FAT3: variants seen among roughly 807,000 people sequenced by gnomAD.
The protein encoded by FAT3 is protocadherin Fat 3.
A neutral mutation model predicts 310.2 loss-of-function variants in FAT3; 95 were observed. The observed-to-expected ratio is 0.31, with a 90% CI of 0.26 to 0.36. FAT3 has a LOEUF of 0.36. FAT3 is among the 10% of genes least tolerant of loss of function. The probability of loss-of-function intolerance (pLI) is 1.00; values close to 1 mark genes in which losing one functional copy is unlikely to be tolerated. For missense variants in FAT3, 5,408 were observed against 5,715.6 expected, an observed-to-expected ratio of 0.95 and a Z score of 1.74; for synonymous variants, 2,314 against 2,192.9, an observed-to-expected ratio of 1.06 and a Z score of -1.54.
At chr11:92,832,853 C>A (rs1255030084) in intron 14 of FAT3, among the ~76,000 whole-genome samples, 1 of 152,124 alleles carries the variant, frequency 6.6e-6, no homozygotes, top group Non-Finnish European at 1.5e-5. Context: ...TGATATGCAG[C>A]CTTCTCAACC....
intron 3 of FAT3, among the ~76,000 whole-genome samples, chr11:92,633,554 G>T (rs1019869403): frequency 2.0e-5 from 3 of 152,080 alleles, no homozygotes; most frequent in Non-Finnish European, 4.4e-5. Flanking sequence ...CAAATTCAGA[G>T]GACTGACACG....
intron 19 of FAT3, among the ~76,000 whole-genome samples, chr11:92,852,576 A>C (rs1948860423): frequency 6.6e-6 from 1 of 152,202 alleles, no homozygotes. Flanking sequence ...CTATCCCCTT[A>C]ATCCTAAAGA....
chr11:92,514,440 A>G (rs1330612975), intron 2 of FAT3, among the ~76,000 whole-genome samples: 1 of 152,218 alleles, frequency 6.6e-6, no homozygotes, highest in African/African-American at 2.4e-5. Context: ...AAATTTGAGC[A>G]TCTCAACATA....
chr11:92,537,643 G>C (rs962551063), intron 3 of FAT3, among the ~76,000 whole-genome samples: 3 of 152,096 alleles, frequency 2.0e-5, no homozygotes, highest in African/African-American at 7.2e-5. Flanking sequence ...TGTGCATGAA[G>C]CAACTGACAG....
intron 6 of FAT3, among the ~76,000 whole-genome samples, chr11:92,773,115 T>G (rs948995690): frequency 6.6e-6 from 1 of 152,136 alleles, no homozygotes; most frequent in East Asian, 1.9e-4. Context: ...TTAAAATTGT[T>G]CCCACATACA....
intron 3 of FAT3, among the ~76,000 whole-genome samples, chr11:92,529,919 T>A (rs1173274724): frequency 6.6e-6 from 1 of 152,200 alleles, no homozygotes; most frequent in African/African-American, 2.4e-5. Context: ...AAACATAGTT[T>A]ATGTGTTGGT....
At chr11:92,585,828 GT>G (rs35482303) in intron 3 of FAT3, among the ~76,000 whole-genome samples, 37,756 of 150,080 alleles carry the variant, frequency 0.25, 5,969 homozygotes, top group African/African-American at 0.45. Context: ...TTGCTTTCCT[GT>G]TTTTTTTTTC....
intron 2 of FAT3, among the ~76,000 whole-genome samples, chr11:92,427,940 A>C (rs549784085): frequency 1.3e-5 from 2 of 152,186 alleles, no homozygotes; most frequent in South Asian, 4.2e-4. Context: ...TTTAGAAGGA[A>C]TGGTATGAAC....
At chr11:92,499,917 A>G (rs1440831309) in intron 2 of FAT3, among the ~76,000 whole-genome samples, 1 of 152,064 alleles carries the variant, frequency 6.6e-6, no homozygotes, top group Non-Finnish European at 1.5e-5. Flanking sequence ...ATTAATTCTC[A>G]GGGTATCCAT....
At chr11:92,867,294 G>C (rs186545511) in intron 22 of FAT3, 85 bp downstream of exon 22, 1 of 1,328,898 alleles carries the variant, frequency 7.5e-7, no homozygotes, top group African/African-American at 1.5e-5. Context: ...CCCTCCCAAC[G>C]CAAGGACTCT....
chr11:92,588,846 C>T (rs1939284551), intron 3 of FAT3, among the ~76,000 whole-genome samples: 1 of 151,626 alleles, frequency 6.6e-6, no homozygotes, highest in Non-Finnish European at 1.5e-5. Context: ...CCAAGCCTCC[C>T]TCCAACAGTT....
At chr11:92,626,563 T>A (rs1323517949) in intron 3 of FAT3, among the ~76,000 whole-genome samples, 2 of 152,084 alleles carry the variant, frequency 1.3e-5, no homozygotes, top group Non-Finnish European at 2.9e-5. Flanking sequence ...TCCTGATAGT[T>A]GCATGGGTCT....
chr11:92,595,027 A>G (rs533758337), intron 3 of FAT3, among the ~76,000 whole-genome samples: 56 of 131,444 alleles, frequency 4.3e-4, no homozygotes, highest in African/African-American at 1.7e-3. Flanking sequence ...GTGTGTGTGT[A>G]TCCTTTGGAG....
At chr11:92,351,028 A>T (rs1303333382) in intron 1 of FAT3, among the ~76,000 whole-genome samples, 4 of 152,214 alleles carry the variant, frequency 2.6e-5, no homozygotes. Flanking sequence ...TAAAATAGGA[A>T]AAAGTTTGTA....
intron 2 of FAT3, among the ~76,000 whole-genome samples, chr11:92,465,220 G>C (rs1334926572): frequency 6.6e-6 from 1 of 152,174 alleles, no homozygotes; most frequent in African/African-American, 2.4e-5. Context: ...ACTACTAATT[G>C]AAAGCTAATG....
chr11:92,268,989 G>A (rs958042754), intron 1 of FAT3, among the ~76,000 whole-genome samples: 14 of 152,070 alleles, frequency 9.2e-5, no homozygotes, highest in Non-Finnish European at 1.8e-4. Flanking sequence ...ATGTATTCAG[G>A]TGTTTTTAAC....
chr11:92,760,808 C>A (rs113403489), intron 4 of FAT3, among the ~76,000 whole-genome samples: 11 of 152,304 alleles, frequency 7.2e-5, no homozygotes, highest in Admixed American at 7.2e-4. Context: ...AAATTATTTA[C>A]ACTAGGATGC....
intron 23 of FAT3, 75 bp from the exon 24 acceptor site, chr11:92,882,663 G>T: frequency 7.5e-7 from 1 of 1,327,262 alleles, no homozygotes; most frequent in South Asian, 1.5e-5. Flanking sequence ...AGATGTCTGT[G>T]TTTTCTCGAG....
chr11:92,875,772 G>T (rs1318644179), intron 22 of FAT3, among the ~76,000 whole-genome samples: 2 of 152,136 alleles, frequency 1.3e-5, no homozygotes, highest in Admixed American at 1.3e-4. Flanking sequence ...AGTCGATGTG[G>T]ATATGTTAAT....
Sources: gnomAD v4.1 joint callset for allele counts (sites outside exome capture counted in the v4.1 genomes callset) on GRCh38, gnomAD v4.1.1 for gene constraint, MANE v1.5 for transcripts, NCBI Gene and HGNC (gene_info 2026-07-23, HGNC 2026-07-21) for gene names.